Variants in GREB1L observed in about 807,000 individuals in gnomAD.
GREB1L encodes the protein GREB1-like protein.
In GREB1L, 17 loss-of-function variants were observed where a neutral mutation model predicts 200.8. The ratio of observed to expected loss-of-function variants is 0.08; its 90% CI spans 0.06 to 0.13. GREB1L has a LOEUF of 0.13. Ranked by LOEUF, GREB1L falls within the 10% of genes least tolerant of loss-of-function variation. The probability of loss-of-function intolerance (pLI) is 1.00; values close to 1 mark genes in which losing one functional copy is unlikely to be tolerated. For missense variants in GREB1L, 1,657 were observed against 2,367.7 expected, an observed-to-expected ratio of 0.70 and a Z score of 6.23; for synonymous variants, 789 against 893.0, an observed-to-expected ratio of 0.88 and a Z score of 2.08.
rs1206376385 is a variant in GREB1L at position 21,522,655 on chromosome 18, A to G, written c.5609-3A>G. ...GGACATATTTCTGTCTTTTTTCCTG[A>G]AGGTGCTACACTGTGTGTCATCTGC... On this transcript the variant is annotated splice_polypyrimidine_tract_variant and splice_region_variant and intron_variant, in intron 32 of 32. Transcript: ENST00000424526. The G allele has an allele frequency of 6.5e-7, 1 of 1,537,026 alleles. No individual in the cohort carries two copies. Among genetic ancestry groups the G allele is most frequent in the African/African-American group, 1.4e-5 (1 of 72,252 alleles).
intron 31 of GREB1L, among the ~76,000 whole-genome samples, chr18:21,520,211 G>A (rs1207034786): frequency 6.6e-6 from 1 of 152,106 alleles, no homozygotes; most frequent in Non-Finnish European, 1.5e-5. Context: ...AAAGGGCTGG[G>A]ATTACAGGCG....
At chr18:21,256,389 A>C in intron 1 of GREB1L, among the ~76,000 whole-genome samples, 1 of 152,202 alleles carries the variant, frequency 6.6e-6, no homozygotes, top group East Asian at 1.9e-4. Context: ...GTTGGAGCAC[A>C]GTGAATGATC....
chr18:21,328,669 T>G (rs571435209), intron 1 of GREB1L, among the ~76,000 whole-genome samples: 1 of 152,208 alleles, frequency 6.6e-6, no homozygotes, highest in East Asian at 1.9e-4. Context: ...CATGTGTGTG[T>G]GTGTACGTGC....
chr18:21,473,872 C>T (rs1366958117), intron 16 of GREB1L, among the ~76,000 whole-genome samples: 3 of 152,126 alleles, frequency 2.0e-5, no homozygotes, highest in African/African-American at 7.2e-5. Context: ...GAGCAAGTCA[C>T]ATCTTACATG....
At chr18:21,379,157 C>CT (rs1469005065) in intron 2 of GREB1L, among the ~76,000 whole-genome samples, 1 of 152,144 alleles carries the variant, frequency 6.6e-6, no homozygotes, top group Non-Finnish European at 1.5e-5. Context: ...TAACTGGGTA[C>CT]TTTTTAAAAA....
intron 1 of GREB1L, among the ~76,000 whole-genome samples, chr18:21,246,121 G>A (rs554425474): frequency 1.3e-5 from 2 of 152,050 alleles, no homozygotes; most frequent in East Asian, 1.9e-4. Flanking sequence ...ATAGTATAAT[G>A]TAGTTGTAAA....
At chr18:21,484,401 A>C (rs1010684698) in intron 17 of GREB1L, among the ~76,000 whole-genome samples, 1 of 152,012 alleles carries the variant, frequency 6.6e-6, no homozygotes, top group Non-Finnish European at 1.5e-5. Flanking sequence ...TCTCAAAAAA[A>C]AGTGCTGGGT....
chr18:21,494,339 A>G (rs2036460998), intron 19 of GREB1L, among the ~76,000 whole-genome samples: 1 of 152,222 alleles, frequency 6.6e-6, no homozygotes, highest in African/African-American at 2.4e-5. Flanking sequence ...TTTACAAATT[A>G]TAGAAATTTT....
chr18:21,500,640 C>G lies in GREB1L; in HGVS notation c.4070C>G (p.Thr1357Ser). Reference protein sequence around the residue: ...VDVYDEEEINTDHNESSEVSQ... With the variant: ...VDVYDEEEINSDHNESSEVSQ... ...GTGTATGATGAGGAGGAGATCAACA[C>G]CGGTGAGTGCTGAGCCCAGGGAGTG... The change falls in exon 23 of 33, where the codon ACC (threonine) becomes AGC (serine). Residue 1357 changes from threonine (T) to serine (S), a missense_variant and splice_region_variant. Thr to Ser is a moderately conservative substitution (Grantham distance 58, BLOSUM62 1). Coordinates refer to ENST00000424526, the MANE Select transcript of GREB1L (RefSeq NM_001142966.3). 1 of 1,543,256 alleles carries G rather than the reference C, an allele frequency of 6.5e-7. No homozygotes were observed. The highest frequency in any genetic ancestry group is 8.8e-7 in the Non-Finnish European group (1 of 1,142,312).
At chr18:21,351,199 A>G (rs929699783) in intron 1 of GREB1L, among the ~76,000 whole-genome samples, 5 of 152,096 alleles carry the variant, frequency 3.3e-5, no homozygotes, top group Admixed American at 1.3e-4. Flanking sequence ...TAGAGCCTCT[A>G]GGAAATATAA....
intron 17 of GREB1L, among the ~76,000 whole-genome samples, chr18:21,479,594 G>T (rs997496414): frequency 1.5e-4 from 23 of 151,804 alleles, no homozygotes; most frequent in African/African-American, 5.3e-4. Context: ...TGGGAAGACT[G>T]CTTGAACCCA....
intron 21 of GREB1L, among the ~76,000 whole-genome samples, chr18:21,498,692 C>T (rs1267129812): frequency 6.6e-6 from 1 of 152,210 alleles, no homozygotes; most frequent in African/African-American, 2.4e-5. Flanking sequence ...ATGCTCATGA[C>T]ACAGAGCACA....
chr18:21,476,858 C>T (rs1395402203), intron 16 of GREB1L, among the ~76,000 whole-genome samples: 4 of 151,916 alleles, frequency 2.6e-5, no homozygotes, highest in Non-Finnish European at 4.4e-5. Flanking sequence ...GGATTACAGA[C>T]GTGAGCCACC....
intron 1 of GREB1L, among the ~76,000 whole-genome samples, chr18:21,341,921 G>A (rs1176390163): frequency 2.6e-5 from 4 of 152,072 alleles, no homozygotes; most frequent in Non-Finnish European, 5.9e-5. Context: ...AGGGAAAGTG[G>A]GAGCTGAACT....
At chr18:21,407,288 A>G (rs1729913243) in intron 7 of GREB1L, among the ~76,000 whole-genome samples, 1 of 152,234 alleles carries the variant, frequency 6.6e-6, no homozygotes, top group South Asian at 2.1e-4. Context: ...CATTATAAGC[A>G]TGACATACAC....
chr18:21,423,781 C>A (rs2032350373), intron 7 of GREB1L, among the ~76,000 whole-genome samples: 1 of 152,048 alleles, frequency 6.6e-6, no homozygotes, highest in Admixed American at 6.5e-5. Context: ...ATTGCTTGAG[C>A]CAAGGAGTTG....
intron 2 of GREB1L, among the ~76,000 whole-genome samples, chr18:21,377,678 A>G (rs531812935): frequency 6.6e-6 from 1 of 152,264 alleles, no homozygotes; most frequent in Non-Finnish European, 1.5e-5. Flanking sequence ...CCTGGGTAAC[A>G]GAGTAAGTGA....
chr18:21,249,327 T>G (rs1186617290), intron 1 of GREB1L, among the ~76,000 whole-genome samples: 3 of 152,176 alleles, frequency 2.0e-5, no homozygotes, highest in Non-Finnish European at 2.9e-5. Flanking sequence ...ATAACATCCG[T>G]ATCAGCTGGA....
intron 1 of GREB1L, among the ~76,000 whole-genome samples, chr18:21,352,440 A>G (rs2039447468): frequency 6.6e-6 from 1 of 151,236 alleles, no homozygotes; most frequent in South Asian, 2.1e-4. Flanking sequence ...ATATATATAT[A>G]AATATATATA....
Sources: gnomAD v4.1 joint callset for allele counts (sites outside exome capture counted in the v4.1 genomes callset) on GRCh38, gnomAD v4.1.1 for gene constraint, MANE v1.5 for transcripts, NCBI Gene and HGNC (gene_info 2026-07-23, HGNC 2026-07-21) for gene names.